Variants in VPS13A observed in about 807,000 individuals in gnomAD.
VPS13A encodes the protein intermembrane lipid transfer protein VPS13A.
In VPS13A, 264 loss-of-function variants were observed where a neutral mutation model predicts 390.9. That is an observed-to-expected ratio of 0.68 (90% confidence interval 0.61 to 0.75). The LOEUF is 0.75. Ranked by LOEUF, VPS13A falls within the 30% of genes least tolerant of loss-of-function variation. The pLI is 0.00. For synonymous variants in VPS13A, 1,231 were observed against 1,227.1 expected (o/e 1.00, Z -0.07); for missense variants, 3,409 against 3,733.9 (o/e 0.91, Z 2.27).
intron 35 of VPS13A, among the ~76,000 whole-genome samples, chr9:77,312,021 A>C (rs1829102516): frequency 6.6e-6 from 1 of 152,214 alleles, no homozygotes; most frequent in Admixed American, 6.5e-5. Context: ...TGGTGAAAGA[A>C]ATTTGTAACT....
rs1386347475 is a variant in VPS13A, at chr9:77,370,342, A to G, written c.8743+10A>G. 6.2e-7 allele frequency: 1 copy of G among 1,614,190 alleles called. No homozygotes were observed. The highest frequency in any genetic ancestry group is 8.5e-7 in the Non-Finnish European group (1 of 1,180,026). On this transcript the variant is annotated intron_variant, in intron 64 of 71. Coordinates refer to ENST00000360280, the MANE Select transcript of VPS13A (RefSeq NM_033305.3). Reference sequence around the variant, plus strand: ...GTTGGTGGAGCTGTTGGTAAGAAACAGAATATCTACCAAGTATTTTTGTGC... The same window carrying G: ...GTTGGTGGAGCTGTTGGTAAGAAACGGAATATCTACCAAGTATTTTTGTGC...
chr9:77,312,829 C>T (rs147972620), intron 35 of VPS13A, among the ~76,000 whole-genome samples: 3 of 152,224 alleles, frequency 2.0e-5, no homozygotes, highest in African/African-American at 4.8e-5. Flanking sequence ...TTCTCACATA[C>T]GACTGATAGG....
Position 77,307,984 on chromosome 9 carries a change from A to G in VPS13A, c.4000A>G (p.Thr1334Ala). ...SQEDITTIFKTLHGNIWYEKD... is the reference protein window; with the variant it reads ...SQEDITTIFKALHGNIWYEKD... ...AGAAGATATAACAACTATTTTTAAAACATTGCATGGCAATATATGGTATGA... is the reference window on the plus strand; with the variant it reads ...AGAAGATATAACAACTATTTTTAAAGCATTGCATGGCAATATATGGTATGA... The change falls in exon 35 of 72, where the codon ACA (threonine) becomes GCA (alanine). Residue 1334 changes from threonine (T) to alanine (A), a missense_variant. By Grantham distance (58) the Thr-to-Ala change is moderately conservative. Transcript: ENST00000360280. The G allele has an allele frequency of 6.2e-7, 1 of 1,603,074 alleles. No homozygotes were observed. Among genetic ancestry groups the G allele is most frequent in the South Asian group, 1.1e-5 (1 of 90,770 alleles).
Position 77,368,872 on chromosome 9 carries a change from G to A in VPS13A, c.8554-427G>A, listed in dbSNP as rs186364210. On this transcript the variant is annotated intron_variant, in intron 62 of 71. Coordinates refer to ENST00000360280, the MANE Select transcript of VPS13A (RefSeq NM_033305.3). Reference sequence around the variant, plus strand: ...CAATAAGCCTGGCATGGTGGCTAACGCCTGTAATCCCAACACTTTGGGAGG... The same window carrying A: ...CAATAAGCCTGGCATGGTGGCTAACACCTGTAATCCCAACACTTTGGGAGG... Among the ~76,000 whole-genome samples, 801 of 151,982 alleles carry A rather than the reference G, an allele frequency of 5.3e-3. 6 individuals carry two copies. The highest frequency in any genetic ancestry group is 8.6e-3 in the Non-Finnish European group (586 of 67,964).
intron 52 of VPS13A, among the ~76,000 whole-genome samples, chr9:77,348,184 C>G (rs868559907): frequency 6.6e-6 from 1 of 151,962 alleles, no homozygotes; most frequent in Non-Finnish European, 1.5e-5. Flanking sequence ...ACATGTTCAC[C>G]GCAGCACTAT....
chr9:77,316,186 A>G lies in VPS13A; in HGVS notation c.4643A>G (p.Glu1548Gly). The G allele has an allele frequency of 6.2e-7, 1 of 1,609,344 alleles. No homozygotes were observed. The highest frequency in any genetic ancestry group is 2.2e-5 in the East Asian group (1 of 44,750). The part of the protein sequence containing the change: ...WTAKEEVPTQ[E>G]SVKWEINVII... ...TTATTTGTTTTAGTACCTACACAGG[A>G]ATCAGTGAAGTGGGAAATTAATGTT... Residue 1548 changes from glutamate to glycine, a missense_variant, in exon 39 of 72, where the codon GAA (glutamate) becomes GGA (glycine). Transcript: ENST00000360280.
At chr9:77,214,270 C>G in intron 9 of VPS13A, 59 bp from the exon 10 acceptor site, 7 of 1,465,396 alleles carry the variant, frequency 4.8e-6, no homozygotes, top group Non-Finnish European at 6.7e-6. Context: ...GGGGAGACTC[C>G]ATCTCAAAAA....
intron 33 of VPS13A, among the ~76,000 whole-genome samples, chr9:77,297,042 G>A (rs565226140): frequency 6.7e-4 from 102 of 151,718 alleles, no homozygotes; most frequent in African/African-American, 2.3e-3. Context: ...TCTGGTTAGC[G>A]ATTTATCCGT....
chr9:77,210,616 A>G lies in VPS13A; in HGVS notation c.496A>G (p.Ile166Val), dbSNP rs1357677569. The G allele has an allele frequency of 1.2e-6, 2 of 1,613,686 alleles. No individual in the cohort carries two copies. The highest frequency in any genetic ancestry group is 8.5e-7 in the Non-Finnish European group (1 of 1,179,902). ...AAATTTTACTTTCTTTCCTCTTTAGATCACAAATCGGGACAAACCGCTGTC... is the reference window on the plus strand; with the variant it reads ...AAATTTTACTTTCTTTCCTCTTTAGGTCACAAATCGGGACAAACCGCTGTC... Reference protein sequence around the residue: ...SSIHIRYEDDITNRDKPLSFG... With the variant: ...SSIHIRYEDDVTNRDKPLSFG... The change falls in exon 7 of 72, where the codon ATC (isoleucine) becomes GTC (valine). Residue 166 changes from isoleucine to valine, a missense_variant and splice_region_variant. Ile to Val is a conservative substitution (Grantham distance 29). Around this residue, in one of 5 missense-constraint regions of VPS13A, gnomAD observed 2,717 missense variants for 2,917.4 expected, o/e 0.93. Coordinates refer to ENST00000360280, the MANE Select transcript of VPS13A (RefSeq NM_033305.3).
chr9:77,236,566 T>G (rs1335697479), intron 17 of VPS13A, among the ~76,000 whole-genome samples: 1 of 152,232 alleles, frequency 6.6e-6, no homozygotes, highest in Non-Finnish European at 1.5e-5. Flanking sequence ...CAATTTCTAA[T>G]TCCCAGTACC....
chr9:77,250,313 A>G, intron 21 of VPS13A, 84 bp downstream of exon 21: 1 of 1,469,516 alleles, frequency 6.8e-7, no homozygotes, highest in Non-Finnish European at 9.4e-7. Flanking sequence ...CCTTCCTCTT[A>G]AATGTGTTAG....
At chr9:77,376,248 A>T (rs7853908) in intron 67 of VPS13A, among the ~76,000 whole-genome samples, 1 of 152,180 alleles carries the variant, frequency 6.6e-6, no homozygotes, top group Non-Finnish European at 1.5e-5. Flanking sequence ...AGAAGATGTT[A>T]CCAGGGAACA....
chr9:77,347,956 T>TA lies in VPS13A; in HGVS notation c.7289+2820dup, dbSNP rs536545538. On this transcript the variant is annotated intron_variant, in intron 52 of 71. Coordinates refer to ENST00000360280, the MANE Select transcript of VPS13A (RefSeq NM_033305.3). Reference sequence around the variant, plus strand: ...TAGAAAAATGCCATTCTGTAATTATTAAAAAATCAAGAAACAACAGATGAT... The same window carrying TA: ...TAGAAAAATGCCATTCTGTAATTATTAAAAAAATCAAGAAACAACAGATGAT... 3.9e-5 allele frequency among the ~76,000 whole-genome samples: 6 copies of TA among 152,160 alleles called. No homozygotes were observed. The South Asian group carries it at 1.0e-3, about 26-fold the overall frequency.
chr9:77,241,600 T>G (rs757036225), intron 19 of VPS13A, among the ~76,000 whole-genome samples: 44 of 152,180 alleles, frequency 2.9e-4, no homozygotes, highest in Non-Finnish European at 6.2e-4. Context: ...AACGTGTGTC[T>G]TTTTATGCTT....
intron 35 of VPS13A, among the ~76,000 whole-genome samples, chr9:77,310,195 A>C (rs12339092): frequency 0.2 from 30,597 of 152,058 alleles, 3,291 homozygotes; most frequent in Middle Eastern, 0.26. Context: ...GAAATCTAGG[A>C]AACAGAAAAA....
chr9:77,296,685 A>G (rs755390708), intron 33 of VPS13A, among the ~76,000 whole-genome samples: 1 of 152,146 alleles, frequency 6.6e-6, no homozygotes, highest in Non-Finnish European at 1.5e-5. Context: ...ATGTTATACC[A>G]TTTTATAAGT....
At chr9:77,187,633 A>G (rs1035759714) in intron 1 of VPS13A, among the ~76,000 whole-genome samples, 1 of 149,388 alleles carries the variant, frequency 6.7e-6, no homozygotes, top group African/African-American at 2.4e-5. Flanking sequence ...ACACACACAC[A>G]CAATGTTAGC....
chr9:77,351,271 C>T lies in VPS13A; in HGVS notation c.7290-46C>T, dbSNP rs201754757. On this transcript the variant is annotated intron_variant, in intron 52 of 71. Coordinates refer to ENST00000360280, the MANE Select transcript of VPS13A (RefSeq NM_033305.3). ...TATTTTAGTTTTTTTTTAATCTCTT[C>T]GTGTACTTGCATTTAATTTAACGCG... 1.4e-4 allele frequency: 223 copies of T among 1,604,124 alleles called. 2 individuals carry two copies. Among genetic ancestry groups the T allele is most frequent in the South Asian group, 7.5e-4 (68 of 90,824 alleles).
intron 1 of VPS13A, among the ~76,000 whole-genome samples, chr9:77,188,842 A>AC (rs1824500589): frequency 1.3e-5 from 2 of 151,714 alleles, no homozygotes; most frequent in African/African-American, 2.4e-5. Context: ...ATCGTATCTC[A>AC]CTAATCATTA....
Sources: gnomAD v4.1 joint callset for allele counts (sites outside exome capture counted in the v4.1 genomes callset) on GRCh38, gnomAD v4.1.1 for gene constraint, gnomAD v4.1.1 regional missense constraint, MANE v1.5 for transcripts, NCBI Gene and HGNC (gene_info 2026-07-23, HGNC 2026-07-21) for gene names.